LNPEP: variants seen among roughly 807,000 people sequenced by gnomAD.
LNPEP encodes leucyl and cystinyl aminopeptidase, also known as leucyl-cystinyl aminopeptidase.
LNPEP carries 64 observed loss-of-function variants against 120.6 expected under a neutral mutation model. The ratio of observed to expected loss-of-function variants is 0.53; its 90% CI spans 0.43 to 0.65. The LOEUF is 0.65. LNPEP is among the 30% of genes least tolerant of loss of function. The pLI is 0.00. For synonymous variants in LNPEP, 435 were observed against 425.4 expected (o/e 1.02, Z -0.28); for missense variants, 1,057 against 1,200.0 (o/e 0.88, Z 1.76).
chr5:97,014,734 T>G (rs923881422), intron 12 of LNPEP, among the ~76,000 whole-genome samples: 4 of 152,162 alleles, frequency 2.6e-5, no homozygotes, highest in African/African-American at 9.7e-5. Flanking sequence ...TTGTTTATCT[T>G]TCTCTTGAAA....
At chr5:96,970,401 T>C (rs1789832236) in intron 1 of LNPEP, among the ~76,000 whole-genome samples, 1 of 152,054 alleles carries the variant, frequency 6.6e-6, no homozygotes. Flanking sequence ...AATATTCTTC[T>C]TTGTTAATCT....
intron 1 of LNPEP, among the ~76,000 whole-genome samples, chr5:96,952,455 C>G (rs944629750): frequency 6.6e-6 from 1 of 152,058 alleles, no homozygotes; most frequent in Non-Finnish European, 1.5e-5. Flanking sequence ...ATTAATCTTG[C>G]GTTTTTCAGG....
At chr5:96,940,596 A>G (rs1468831289) in intron 1 of LNPEP, among the ~76,000 whole-genome samples, 1 of 152,262 alleles carries the variant, frequency 6.6e-6, no homozygotes, top group Non-Finnish European at 1.5e-5. Flanking sequence ...ACAGTATTCT[A>G]ATTATGAAAT....
chr5:97,031,002 T>C lies in LNPEP; in HGVS notation c.*2469T>C, dbSNP rs1447798622. 1 of 152,022 alleles carries C rather than the reference T, an allele frequency of 6.6e-6. No individual in the cohort carries two copies. Among genetic ancestry groups the C allele is most frequent in the Non-Finnish European group, 1.5e-5 (1 of 67,998 alleles). The allele number at this position is 152,022 out of a possible 1,614,324, so 9.4% of individuals were successfully genotyped here. A position where few individuals can be genotyped will look rare whatever the true frequency, so the allele number is the denominator to read the frequency against. Reference sequence around the variant, plus strand: ...GGTATAATGGTAGCTTTCAAAGTTTTATCTTCTCAAAACATTGTCTTAGCC... The same window carrying C: ...GGTATAATGGTAGCTTTCAAAGTTTCATCTTCTCAAAACATTGTCTTAGCC... On this transcript the variant is annotated 3_prime_UTR_variant, in exon 18 of 18. Transcript: ENST00000231368.
Position 96,996,380 on chromosome 5 carries a change from C to G in LNPEP, c.1408-10C>G, listed in dbSNP as rs2112632290. 1 of 1,440,634 alleles carries G rather than the reference C, an allele frequency of 6.9e-7. No homozygotes were observed. The highest frequency in any genetic ancestry group is 1.2e-5 in the South Asian group (1 of 86,312). 89.2% of individuals were successfully genotyped at this position (1,440,634 alleles called of 1,614,324 possible). A position where few individuals can be genotyped will look rare whatever the true frequency, so the allele number is the denominator to read the frequency against. On this transcript the variant is annotated splice_polypyrimidine_tract_variant and intron_variant, in intron 6 of 17. Transcript: ENST00000231368. ...ATATCCTGTGGGTTAATTGTTTTCT[C>G]TCCCCCCAGTGGTTTGGCAATCTGG...
rs1200073479 is a variant in LNPEP at position 96,956,328 on chromosome 5, C to T, written c.19+20154C>T. On this transcript the variant is annotated intron_variant, in intron 1 of 17. Coordinates refer to ENST00000231368, the MANE Select transcript of LNPEP (RefSeq NM_005575.3). ...TAAGAAATCCATGGTACCAGCCTGG[C>T]CAACATGGTGAAACCCTGTCTCTGC... is the stretch of plus-strand genomic sequence containing the variant. Among the ~76,000 whole-genome samples, 4 of 152,270 alleles carry T rather than the reference C, an allele frequency of 2.6e-5. No homozygotes were observed. The South Asian group carries it at 8.3e-4, about 32-fold the overall frequency.
At chr5:97,002,863 A>G (rs932307855) in intron 8 of LNPEP, among the ~76,000 whole-genome samples, 1 of 152,188 alleles carries the variant, frequency 6.6e-6, no homozygotes, top group South Asian at 2.1e-4. Context: ...CCTGCCCTAT[A>G]CATTTGTTAG....
chr5:97,004,341 C>T (rs1010490248), intron 9 of LNPEP, among the ~76,000 whole-genome samples: 14 of 151,960 alleles, frequency 9.2e-5, no homozygotes, highest in Admixed American at 2.0e-4. Flanking sequence ...GGTGAAACCC[C>T]GTCTCCACTA....
In LNPEP at chr5:97,013,364, T is replaced by G. The variant is rs143348594; in HGVS notation, c.2036-284T>G. The stretch of plus-strand genomic sequence containing the variant: ...CTTGTATGATATTGTACTTGCCTGT[T>G]TACTTTAGACTGTGAGATCTCTAAA... On this transcript the variant is annotated intron_variant, in intron 11 of 17. Coordinates refer to ENST00000231368, the MANE Select transcript of LNPEP (RefSeq NM_005575.3). Among the ~76,000 whole-genome samples the G allele has an allele frequency of 9.2e-5, 14 of 152,298 alleles. No homozygotes were observed. The East Asian group carries it at 2.7e-3, about 29-fold the overall frequency.
At chr5:96,963,523 C>G (rs971692200) in intron 1 of LNPEP, among the ~76,000 whole-genome samples, 1 of 152,090 alleles carries the variant, frequency 6.6e-6, no homozygotes, top group African/African-American at 2.4e-5. Flanking sequence ...GGTTCCTCGT[C>G]CCCAGGGAGC....
intron 1 of LNPEP, among the ~76,000 whole-genome samples, chr5:96,950,827 C>T (rs1484363268): frequency 3.9e-5 from 6 of 152,134 alleles, no homozygotes; most frequent in African/African-American, 7.2e-5. Context: ...ACTTCCTTCC[C>T]GCTTAAAATC....
intron 1 of LNPEP, among the ~76,000 whole-genome samples, chr5:96,950,505 G>A (rs1789296132): frequency 6.6e-6 from 1 of 152,230 alleles, no homozygotes; most frequent in Non-Finnish European, 1.5e-5. Context: ...AGCCTTATGG[G>A]AAGAGTAAAG....
chr5:97,002,038 C>T (rs1206078999), intron 8 of LNPEP, among the ~76,000 whole-genome samples: 2 of 152,100 alleles, frequency 1.3e-5, no homozygotes, highest in Non-Finnish European at 2.9e-5. Flanking sequence ...ACTCAGGAGG[C>T]TGAAGCAGGA....
intron 13 of LNPEP, among the ~76,000 whole-genome samples, chr5:97,019,351 T>C (rs1352055234): frequency 6.6e-6 from 1 of 152,184 alleles, no homozygotes; most frequent in Non-Finnish European, 1.5e-5. Context: ...AAGGGAAAGG[T>C]AATTTGAAGC....
At chr5:96,948,179 A>T (rs1411522832) in intron 1 of LNPEP, among the ~76,000 whole-genome samples, 2 of 149,884 alleles carry the variant, frequency 1.3e-5, no homozygotes, top group African/African-American at 4.9e-5. Flanking sequence ...GTGCAGTGGC[A>T]CGATCTCGGC....
intron 1 of LNPEP, among the ~76,000 whole-genome samples, chr5:96,954,741 T>C (rs1470221690): frequency 5.8e-5 from 5 of 86,462 alleles, no homozygotes; most frequent in African/African-American, 1.8e-4. Context: ...TATACATATA[T>C]ATATACACAT....
chr5:97,008,337 GTTTTTTTTTTTTTT>G (rs781727347), intron 11 of LNPEP, among the ~76,000 whole-genome samples: 3 of 59,840 alleles, frequency 5.0e-5, no homozygotes, highest in South Asian at 1.7e-3. Flanking sequence ...GTTTTTTCTT[GTTTTTTTTTTTTTT>G]TTTTTTTTTT....
intron 1 of LNPEP, among the ~76,000 whole-genome samples, chr5:96,951,580 G>C (rs1789326309): frequency 6.6e-6 from 1 of 152,052 alleles, no homozygotes; most frequent in African/African-American, 2.4e-5. Context: ...TTTAATATGT[G>C]AATTTGCAGG....
In LNPEP at chr5:97,029,371, G is replaced by T. The variant is rs1361155915; in HGVS notation, c.*838G>T. The T allele has an allele frequency of 6.6e-6, 1 of 152,242 alleles. No individual in the cohort carries two copies. Among genetic ancestry groups the T allele is most frequent in the South Asian group, 2.1e-4 (1 of 4,828 alleles). The allele number at this position is 152,242 out of a possible 1,614,324, so 9.4% of individuals were successfully genotyped here. On this transcript the variant is annotated 3_prime_UTR_variant, in exon 18 of 18. Transcript: ENST00000231368. ...CACTCCCTGCCGTAGATATACTTTA[G>T]GTTAGTATTTCTACATTCGTGGCAA... is the stretch of plus-strand genomic sequence containing the variant.
Sources: allele counts gnomAD v4.1 joint callset (sites outside exome capture counted in the v4.1 genomes callset), GRCh38; gene constraint gnomAD v4.1.1; transcripts MANE v1.5; gene names NCBI Gene and HGNC (gene_info 2026-07-23, HGNC 2026-07-21).